AQR: variants seen among roughly 807,000 people sequenced by gnomAD.
AQR encodes RNA helicase aquarius.
In AQR, 61 loss-of-function variants were observed where a neutral mutation model predicts 180.5. That is an observed-to-expected ratio of 0.34 (90% CI 0.28 to 0.42). AQR has a LOEUF of 0.42. Among genes scored for constraint, AQR ranks in the 10% least tolerant of loss-of-function variants. AQR has a pLI of 1.00. For missense variants in AQR, 1,281 were observed against 1,798.3 expected (o/e 0.71, Z 5.20); for synonymous variants, 551 against 588.8 (o/e 0.94, Z 0.93).
In AQR at chr15:34,855,452, T is replaced by G. The variant is rs554407893; in HGVS notation, c.*1340A>C. 6.6e-6 allele frequency: 1 copy of G among 152,066 alleles called. No homozygotes were observed. The highest frequency in any genetic ancestry group is 2.1e-4 in the South Asian group (1 of 4,814). 9.4% of individuals were successfully genotyped at this position (152,066 alleles called of 1,614,324 possible). ...GGTAAATGCTCCCCTCCCCTTTAGA[T>G]ACTCTAGCAGATGATCAAAATGGGA... On this transcript the variant is annotated 3_prime_UTR_variant, in exon 35 of 35. Coordinates refer to ENST00000156471, the MANE Select transcript of AQR (RefSeq NM_014691.3).
chr15:34,891,782 A>G (rs114778328), intron 23 of AQR, among the ~76,000 whole-genome samples: 1,570 of 152,240 alleles, frequency 0.01, 31 homozygotes, highest in African/African-American at 0.036. Context: ...TTTTATCAAG[A>G]CAAAGTCCAA....
At chr15:34,860,179 T>G (rs1032451185) in intron 33 of AQR, 24 bp from the exon 34 acceptor site, 1 of 1,329,072 alleles carries the variant, frequency 7.5e-7, no homozygotes, top group Non-Finnish European at 1.0e-6. Flanking sequence ...AAAAGAACGT[T>G]AAGTATCTAG....
rs978913537 is a variant in AQR, at chr15:34,960,341, C to T, written c.173+433G>A. On this transcript the variant is annotated intron_variant, in intron 3 of 34. Coordinates refer to ENST00000156471, the MANE Select transcript of AQR (RefSeq NM_014691.3). Reference sequence around the variant, plus strand: ...AGAAAAGATGATTTATTGAAACTCACCCCTTACAGCATATTGCTCAAAAAT... The same window carrying T: ...AGAAAAGATGATTTATTGAAACTCATCCCTTACAGCATATTGCTCAAAAAT... Among the ~76,000 whole-genome samples the T allele has an allele frequency of 3.3e-5, 5 of 152,144 alleles. No individual in the cohort carries two copies. In the South Asian group the frequency reaches 1.0e-3, roughly 31 times the overall value.
chr15:34,943,372 G>A lies in AQR; in HGVS notation c.471+916C>T, dbSNP rs1266435809. ...TTTGAACTGGGAGGAGATAAGAAGA[G>A]AAAGGGCCAAGTGATTCAGTTCTAA... On this transcript the variant is annotated intron_variant, in intron 6 of 34. Transcript: ENST00000156471. 2.1e-6 allele frequency: 3 copies of A among 1,435,532 alleles called. No individual in the cohort carries two copies. The African/African-American group carries it at 4.2e-5, about 20-fold the overall frequency. The allele number at this position is 1,435,532 out of a possible 1,614,324, so 88.9% of individuals were successfully genotyped here.
intron 27 of AQR, among the ~76,000 whole-genome samples, chr15:34,881,155 T>G (rs72717441): frequency 2.0e-5 from 3 of 152,214 alleles, no homozygotes; most frequent in African/African-American, 4.8e-5. Flanking sequence ...TGATTTAATA[T>G]CAAAGTATAT....
At chr15:34,929,541 G>T (rs1893818154) in intron 12 of AQR, among the ~76,000 whole-genome samples, 1 of 152,066 alleles carries the variant, frequency 6.6e-6, no homozygotes, top group African/African-American at 2.4e-5. Flanking sequence ...CTGCTCCATT[G>T]GTCTATATGT....
intron 13 of AQR, among the ~76,000 whole-genome samples, chr15:34,924,066 A>G (rs1247824177): frequency 1.3e-5 from 2 of 152,176 alleles, no homozygotes; most frequent in African/African-American, 4.8e-5. Context: ...TTTTCAGATT[A>G]ATTCATTTTA....
At chr15:34,861,101 A>T (rs1892665067) in intron 33 of AQR, among the ~76,000 whole-genome samples, 1 of 152,254 alleles carries the variant, frequency 6.6e-6, no homozygotes, top group African/African-American at 2.4e-5. Context: ...TTAGAAAATC[A>T]TTAAGGTAAA....
At chr15:34,968,926 A>G (rs895439471) in intron 1 of AQR, among the ~76,000 whole-genome samples, 4 of 152,194 alleles carry the variant, frequency 2.6e-5, no homozygotes, top group Non-Finnish European at 5.9e-5. Flanking sequence ...GCAATTCACA[A>G]ATAAATAATA....
At chr15:34,920,899 A>G (rs1893674034) in intron 13 of AQR, among the ~76,000 whole-genome samples, 1 of 152,100 alleles carries the variant, frequency 6.6e-6, no homozygotes, top group South Asian at 2.1e-4. Context: ...CGGAGCTTGC[A>G]GTGAGCCGAG....
At chr15:34,881,713 C>T (rs1264809544) in intron 27 of AQR, among the ~76,000 whole-genome samples, 2 of 152,136 alleles carry the variant, frequency 1.3e-5, no homozygotes, top group African/African-American at 2.4e-5. Flanking sequence ...TTTTCATTTG[C>T]TAAGTACACA....
rs775432905 is a variant in AQR, at chr15:34,874,737, C to T, written c.3365G>A (p.Arg1122His). ...AGTCGGAACTCCAACGCGAACAAAG[C>T]GAGTGAAGAGAGACTGCTCCATGTT... is the stretch of plus-strand genomic sequence containing the variant. ...YSNMEQSLFT[R>H]FVRVGVPTVD... The change falls in exon 29 of 35, where the codon CGC (arginine) becomes CAC (histidine). Residue 1122 changes from arginine to histidine, a missense_variant. Transcript: ENST00000156471. 9 of 1,613,590 alleles carry T rather than the reference C, an allele frequency of 5.6e-6. No homozygotes were observed. The African/African-American group carries it at 6.7e-5, about 12-fold the overall frequency.
Position 34,856,968 on chromosome 15 carries a change from G to A in AQR, c.4282C>T (p.Gln1428Ter). 2 of 1,614,142 alleles carry A rather than the reference G, an allele frequency of 1.2e-6. No individual in the cohort carries two copies. The highest frequency in any genetic ancestry group is 1.1e-5 in the South Asian group (1 of 91,074). ...TCAGTTTGAAAGGCTGGAGTTTCTTGACGGCAGCTGGTGTCTGTTGGACTG... is the reference window on the plus strand; with the variant it reads ...TCAGTTTGAAAGGCTGGAGTTTCTTAACGGCAGCTGGTGTCTGTTGGACTG... ...IPSPTDTSCR[Q>*]ETPAFQTDTT... The change falls in exon 35 of 35, where the codon CAA becomes TAA. Residue 1428 changes from glutamine to a stop codon, truncating the protein, a stop_gained. Coordinates refer to ENST00000156471, the MANE Select transcript of AQR (RefSeq NM_014691.3). LOFTEE classifies it low-confidence loss of function (END_TRUNC).
At chr15:34,883,498 T>C (rs1893006887) in intron 26 of AQR, among the ~76,000 whole-genome samples, 1 of 152,190 alleles carries the variant, frequency 6.6e-6, no homozygotes, top group South Asian at 2.1e-4. Context: ...TATGTAACCA[T>C]AAACATAATA....
At chr15:34,944,721 T>C (rs1211683164) in intron 5 of AQR, among the ~76,000 whole-genome samples, 1 of 152,222 alleles carries the variant, frequency 6.6e-6, no homozygotes, top group African/African-American at 2.4e-5. Flanking sequence ...TAGGCTTTGT[T>C]TTCTTATTAA....
intron 30 of AQR, 149 bp downstream of exon 30, chr15:34,873,679 C>T (rs1892854152): frequency 1.9e-6 from 1 of 532,336 alleles, no homozygotes; most frequent in Non-Finnish European, 3.1e-6. Context: ...TATTTTTAAT[C>T]AATCTGAAAT....
chr15:34,879,597 C>G (rs1441794472), intron 27 of AQR, among the ~76,000 whole-genome samples: 2 of 152,164 alleles, frequency 1.3e-5, no homozygotes, highest in Admixed American at 6.5e-5. Context: ...CATGAGTCAA[C>G]TTGTAATAGG....
intron 9 of AQR, among the ~76,000 whole-genome samples, chr15:34,937,781 G>A (rs1037059114): frequency 1.4e-4 from 21 of 152,018 alleles, no homozygotes; most frequent in Middle Eastern, 3.2e-3. Flanking sequence ...CTACTCAGGA[G>A]GCTGAGGCAG....
At position 34,882,659 on chromosome 15, in the gene AQR, T is replaced by C; in HGVS notation, c.3028-20A>G. On this transcript the variant is annotated intron_variant, in intron 26 of 34. Transcript: ENST00000156471. ...GAATTCCTATGGAAACGAGGAGCAA[T>C]GAAAGATAATTTTAGGAAAACGGAG... 3 of 1,587,706 alleles carry C rather than the reference T, an allele frequency of 1.9e-6. No homozygotes were observed. Among genetic ancestry groups the C allele is most frequent in the Middle Eastern group, 1.7e-4 (1 of 5,936 alleles).
Sources: allele counts gnomAD v4.1 joint callset (sites outside exome capture counted in the v4.1 genomes callset), GRCh38; gene constraint gnomAD v4.1.1; transcripts MANE v1.5; gene names NCBI Gene and HGNC (gene_info 2026-07-23, HGNC 2026-07-21).